The following DRC7 variants were observed in gnomAD, a reference collection of about 807,000 sequenced individuals.
The protein encoded by DRC7 is coiled-coil domain containing 135.
A neutral mutation model predicts 104.4 loss-of-function variants in DRC7; 80 were observed. The ratio of observed to expected loss-of-function variants is 0.77; its 90% confidence interval spans 0.64 to 0.92. DRC7 has a LOEUF of 0.92. DRC7 is among the 40% of genes least tolerant of loss of function. The probability of loss-of-function intolerance (pLI) is 0.00; values close to 1 mark genes in which losing one functional copy is unlikely to be tolerated. For synonymous variants in DRC7, 405 were observed against 447.3 expected, an observed-to-expected ratio of 0.91 and a Z score of 1.19; for missense variants, 1,034 against 1,141.1, an observed-to-expected ratio of 0.91 and a Z score of 1.35.
At chr16:57,708,745 C>A (rs1264274121) in intron 8 of DRC7, among the ~76,000 whole-genome samples, 1 of 152,174 alleles carries the variant, frequency 6.6e-6, no homozygotes, top group African/African-American at 2.4e-5. Context: ...AGAGCTCCAT[C>A]CACATCCTTG....
intron 13 of DRC7, chr16:57,725,479 CTTA>C (rs2048952344): frequency 6.4e-6 from 1 of 155,794 alleles, no homozygotes; most frequent in African/African-American, 2.4e-5. Flanking sequence ...GTGTTACTTC[CTTA>C]TTGTTATACA....
intron 3 of DRC7, 125 bp from the exon 4 acceptor site, chr16:57,698,725 T>C: frequency 1.2e-6 from 1 of 866,136 alleles, no homozygotes; most frequent in Non-Finnish European, 1.8e-6. Flanking sequence ...ATGTTAATGA[T>C]ACCTGCCTTC....
At chr16:57,705,073 G>C (rs373137285) in intron 7 of DRC7, 39 bp downstream of exon 7, 9 of 1,597,922 alleles carry the variant, frequency 5.6e-6, no homozygotes, top group Non-Finnish European at 6.8e-6. Flanking sequence ...CTCAGCTATC[G>C]AGAAAGGACT....
chr16:57,718,600 C>G, intron 9 of DRC7, 125 bp downstream of exon 9: 1 of 1,178,896 alleles, frequency 8.5e-7, no homozygotes, highest in African/African-American at 1.5e-5. Context: ...ATGGGTTCCT[C>G]AAAGCAGGAA....
chr16:57,729,699 A>G (rs1285466917), intron 17 of DRC7, among the ~76,000 whole-genome samples: 4 of 74,716 alleles, frequency 5.4e-5, no homozygotes, highest in Admixed American at 1.7e-4. Context: ...GGATGGATGG[A>G]TGGATGGATG....
chr16:57,700,562 G>T (rs575502589), intron 5 of DRC7, among the ~76,000 whole-genome samples: 2 of 149,078 alleles, frequency 1.3e-5, no homozygotes, highest in Non-Finnish European at 3.0e-5. Context: ...CAGGAGAATC[G>T]CTTGAACCTG....
At chr16:57,716,921 T>C (rs149232217) in intron 8 of DRC7, among the ~76,000 whole-genome samples, 1 of 152,118 alleles carries the variant, frequency 6.6e-6, no homozygotes, top group Non-Finnish European at 1.5e-5. Context: ...GACTGAGGAC[T>C]CAGGTGGGCT....
At chr16:57,717,616 T>G (rs1482015894) in intron 8 of DRC7, among the ~76,000 whole-genome samples, 1 of 151,682 alleles carries the variant, frequency 6.6e-6, no homozygotes, top group Non-Finnish European at 1.5e-5. Context: ...GGAAAATCGC[T>G]TGAACCTGGG....
chr16:57,728,938 G>A (rs1692569117), intron 17 of DRC7, among the ~76,000 whole-genome samples: 2 of 151,208 alleles, frequency 1.3e-5, no homozygotes, highest in African/African-American at 4.9e-5. Context: ...GAACAGATGG[G>A]TGGGTGGATG....
chr16:57,701,763 T>C, intron 5 of DRC7, 173 bp from the exon 6 acceptor site: 1 of 589,062 alleles, frequency 1.7e-6, no homozygotes, highest in South Asian at 2.1e-5. Flanking sequence ...TGTCTGGTTG[T>C]CATTCCATTC....
chr16:57,725,232 G>C (rs556433355), intron 13 of DRC7, among the ~76,000 whole-genome samples: 1 of 152,082 alleles, frequency 6.6e-6, no homozygotes, highest in Non-Finnish European at 1.5e-5. Flanking sequence ...GAGCAAAGGG[G>C]AAGCTGCTTA....
At position 57,726,888 on chromosome 16, in the gene DRC7, C is replaced by T; in HGVS notation, c.2031C>T (p.His677=). The T allele has an allele frequency of 1.2e-6, 2 of 1,613,160 alleles. No homozygotes were observed. The highest frequency in any genetic ancestry group is 8.5e-7 in the Non-Finnish European group (1 of 1,179,768). The change falls in exon 15 of 19, where the codon CAC becomes CAT. Residue 677 remains histidine, a synonymous_variant. Transcript: ENST00000360716. ...TCTACCAGTACGAGGCCATGATGCACCTGAAGAGGGAGGAGAAGCTGTCCA... is the reference window on the plus strand; with the variant it reads ...TCTACCAGTACGAGGCCATGATGCATCTGAAGAGGGAGGAGAAGCTGTCCA... ...KLLYQYEAMM[H]LKREEKLSRH... is the part of the protein sequence containing the mutation.
Position 57,698,849 on chromosome 16 carries a change from G to A in DRC7, c.204-1G>A. The stretch of plus-strand genomic sequence containing the variant: ...CTAATGCCATCCCTGTTGTGGCACA[G>A]GGCCTTTACCAAGGACACTATTGAC... On this transcript the variant is annotated splice_acceptor_variant, in intron 3 of 18. Coordinates refer to ENST00000360716, the MANE Select transcript of DRC7 (RefSeq NM_001289162.2). LOFTEE classifies it high-confidence loss of function. 8.1e-6 allele frequency: 13 copies of A among 1,613,618 alleles called. No individual in the cohort carries two copies. Among genetic ancestry groups the A allele is most frequent in the Non-Finnish European group, 1.1e-5 (13 of 1,179,654 alleles).
chr16:57,719,055 C>A (rs954707620), intron 9 of DRC7, among the ~76,000 whole-genome samples: 14 of 151,810 alleles, frequency 9.2e-5, no homozygotes, highest in African/African-American at 3.4e-4. Flanking sequence ...CGCTCTGCAA[C>A]CCCCTGGGAG....
chr16:57,727,083 C>T, intron 15 of DRC7, 141 bp downstream of exon 15: 1 of 661,310 alleles, frequency 1.5e-6, no homozygotes, highest in South Asian at 1.8e-5. Context: ...ACCTCATCCT[C>T]CCAGGTAACT....
At chr16:57,723,175 A>G in intron 12 of DRC7, 45 bp downstream of exon 12, 1 of 1,603,890 alleles carries the variant, frequency 6.2e-7, no homozygotes, top group South Asian at 1.1e-5. Flanking sequence ...CCTGGGGTAG[A>G]GGCCTCACAC....
At position 57,731,149 on chromosome 16, in the gene DRC7, G is replaced by C; in HGVS notation, c.2532-16G>C. The C allele has an allele frequency of 6.2e-7, 1 of 1,613,794 alleles. No individual in the cohort carries two copies. Among genetic ancestry groups the C allele is most frequent in the East Asian group, 2.2e-5 (1 of 44,888 alleles). On this transcript the variant is annotated splice_polypyrimidine_tract_variant and intron_variant, in intron 18 of 18. Coordinates refer to ENST00000360716, the MANE Select transcript of DRC7 (RefSeq NM_001289162.2). ...TTGTAACCCCTCACCCTCTTTCCTT[G>C]CCTCTCTGACTTCAGACACAAGGAA...
chr16:57,724,475 T>C (rs1394070587), intron 12 of DRC7, 140 bp from the exon 13 acceptor site: 8 of 573,270 alleles, frequency 1.4e-5, no homozygotes, highest in Non-Finnish European at 2.5e-5. Flanking sequence ...CACCCAGCAA[T>C]AGGGGACTGG....
At chr16:57,727,251 G>A in intron 15 of DRC7, 48 bp from the exon 16 acceptor site, 1 of 1,469,944 alleles carries the variant, frequency 6.8e-7, no homozygotes, top group Non-Finnish European at 9.5e-7. Flanking sequence ...GGTTACAGGA[G>A]TGGAGGAGGG....
Sources: allele counts gnomAD v4.1 joint callset (sites outside exome capture counted in the v4.1 genomes callset), GRCh38; gene constraint gnomAD v4.1.1; transcripts MANE v1.5; gene names NCBI Gene and HGNC (gene_info 2026-07-23, HGNC 2026-07-21).